Variants in AJUBA observed in about 807,000 individuals in gnomAD.
AJUBA encodes the protein LIM domain-containing protein ajuba.
AJUBA carries 20 observed loss-of-function variants against 53.3 expected under a neutral mutation model. The observed-to-expected ratio is 0.38, with a 90% CI of 0.26 to 0.55. AJUBA has a LOEUF of 0.55. AJUBA is among the 20% of genes least tolerant of loss of function. AJUBA has a pLI of 0.80. For synonymous variants in AJUBA, 296 were observed against 306.2 expected (o/e 0.97, Z 0.35); for missense variants, 580 against 730.5 (o/e 0.79, Z 2.38).
chr14:22,982,313 C>T lies in AJUBA; in HGVS notation c.-47G>A. On this transcript the variant is annotated 5_prime_UTR_variant, in exon 1 of 8. Transcript: ENST00000262713. ...CGCCCCCTCCCCGCCTGGCACCCTG[C>T]GGCGTCTCGGCGGCCGGTTCTCTTT... 1 of 1,595,818 alleles carries T rather than the reference C, an allele frequency of 6.3e-7. No homozygotes were observed. The highest frequency in any genetic ancestry group is 8.5e-7 in the Non-Finnish European group (1 of 1,174,044).
chr14:22,973,192 C>CTG lies in AJUBA; in HGVS notation c.*249_*250dup, dbSNP rs1166604277. 3.8e-6 allele frequency: 2 copies of CTG among 524,050 alleles called. No homozygotes were observed. The highest frequency in any genetic ancestry group is 6.8e-6 in the Non-Finnish European group (2 of 293,152). The allele number at this position is 524,050 out of a possible 1,614,324, so 32.5% of individuals were successfully genotyped here. The stretch of plus-strand genomic sequence containing the variant: ...ATGTTCAGAAAGTCCTGGAACCCTC[C>CTG]TGTGTGTGCCTAAGCTCAGACTGCA... On this transcript the variant is annotated 3_prime_UTR_variant, in exon 8 of 8. Coordinates refer to ENST00000262713, the MANE Select transcript of AJUBA (RefSeq NM_032876.6).
chr14:22,981,838 C>A lies in AJUBA; in HGVS notation c.429G>T (p.Leu143=). 2 of 1,533,898 alleles carry A rather than the reference C, an allele frequency of 1.3e-6. No individual in the cohort carries two copies. The highest frequency in any genetic ancestry group is 1.2e-5 in the South Asian group (1 of 83,848). Residue 143 remains leucine (L), a synonymous_variant, in exon 1 of 8, where the codon CTG becomes CTT. Transcript: ENST00000262713. ...SKPSSPRGSL[L]LDGAGAGGAG... The stretch of plus-strand genomic sequence containing the variant: ...CTCCGCCAGCCCCCGCCCCGTCCAG[C>A]AGCAGGCTGCCCCGGGGGCTGGACG...
At position 22,973,299 on chromosome 14, in the gene AJUBA, T is replaced by C. The variant is rs1291431099; in HGVS notation, c.*144A>G. 1 of 1,209,780 alleles carries C rather than the reference T, an allele frequency of 8.3e-7. No homozygotes were observed. Among genetic ancestry groups the C allele is most frequent in the African/African-American group, 1.5e-5 (1 of 65,050 alleles). The allele number at this position is 1,209,780 out of a possible 1,614,324, so 74.9% of individuals were successfully genotyped here. A position where few individuals can be genotyped will look rare whatever the true frequency, so the allele number is the denominator to read the frequency against. On this transcript the variant is annotated 3_prime_UTR_variant, in exon 8 of 8. Transcript: ENST00000262713. ...CAATCCATTTGGAATATCATGATCT[T>C]TGGGTCTCCGGCCCTTGGGGTCCTC... is the stretch of plus-strand genomic sequence containing the variant.
chr14:22,976,566 G>C, intron 3 of AJUBA, 48 bp from the exon 4 acceptor site: 2 of 1,612,786 alleles, frequency 1.2e-6, no homozygotes, highest in African/African-American at 2.7e-5. Flanking sequence ...AACTGAGAAT[G>C]ATGGGTGGTA....
Position 22,981,527 on chromosome 14 carries a change from C to T in AJUBA, c.740G>A (p.Gly247Glu), listed in dbSNP as rs767843194. Residue 247 changes from glycine to glutamate, a missense_variant, in exon 1 of 8, where the codon GGA (glycine) becomes GAA (glutamate). By Grantham distance (98) the Gly-to-Glu change is moderately conservative (BLOSUM62 -2). This residue lies in a region of AJUBA where 430 missense variants were observed against 471.5 expected (regional missense o/e 0.91). Transcript: ENST00000262713. ...CCGTCTCTCCAAGGGCCCCGCCGCT[C>T]CCACTCCGGCCCCGGCTAGAGCTCC... The part of the protein sequence containing the change: ...SPGALAGAGV[G>E]AAGPLERRGA... 6.3e-7 allele frequency: 1 copy of T among 1,592,616 alleles called. No homozygotes were observed.
intron 2 of AJUBA, chr14:22,977,014 A>T (rs1049982541): frequency 3.9e-6 from 5 of 1,268,650 alleles, no homozygotes; most frequent in African/African-American, 1.5e-5. Context: ...ATAGGAAGCC[A>T]CCTGGGAGAG....
chr14:22,982,470 G>C lies in AJUBA; in HGVS notation c.-204C>G. The C allele has an allele frequency of 2.1e-6, 3 of 1,424,480 alleles. No homozygotes were observed. In the South Asian group the frequency reaches 4.5e-5, roughly 21 times the overall value. 88.2% of individuals were successfully genotyped at this position (1,424,480 alleles called of 1,614,324 possible). A position where few individuals can be genotyped will look rare whatever the true frequency, so the allele number is the denominator to read the frequency against. The stretch of plus-strand genomic sequence containing the variant: ...GGGGCTGCGTCCCCCCGCGCATCTG[G>C]GGCTGAGCGGGGCTAGCAGGGTCTC... On this transcript the variant is annotated 5_prime_UTR_variant, in exon 1 of 8. Coordinates refer to ENST00000262713, the MANE Select transcript of AJUBA (RefSeq NM_032876.6).
rs1013162107 is a variant in AJUBA at position 22,979,378 on chromosome 14, C to A, written c.1007-933G>T. Among the ~76,000 whole-genome samples, 5 of 152,220 alleles carry A rather than the reference C, an allele frequency of 3.3e-5. No individual in the cohort carries two copies. The highest frequency in any genetic ancestry group is 7.3e-5 in the Non-Finnish European group (5 of 68,048). On this transcript the variant is annotated intron_variant, in intron 1 of 7. Coordinates refer to ENST00000262713, the MANE Select transcript of AJUBA (RefSeq NM_032876.6). This position sits in a 1 kb window ranked among gnomAD's most constrained non-coding sequence, Gnocchi z 4.0. ...ACACTCCCTGCCTGTTGGGGCCCAT[C>A]CCAGTCTTTGCCCAGGGGCTTGGGA...
In AJUBA at chr14:22,978,447, T is replaced by C; in HGVS notation, c.1007-2A>G. Reference sequence around the variant, plus strand: ...CTTTGTTGCACTTGATACAGGTGCCTGAGAAGAGAAAAGTGTCACACTCTA... The same window carrying C: ...CTTTGTTGCACTTGATACAGGTGCCCGAGAAGAGAAAAGTGTCACACTCTA... On this transcript the variant is annotated splice_acceptor_variant, in intron 1 of 7. Coordinates refer to ENST00000262713, the MANE Select transcript of AJUBA (RefSeq NM_032876.6). LOFTEE classifies it high-confidence loss of function. 1.9e-6 allele frequency: 3 copies of C among 1,609,302 alleles called. No homozygotes were observed. The highest frequency in any genetic ancestry group is 1.7e-6 in the Non-Finnish European group (2 of 1,176,016).
Position 22,976,332 on chromosome 14 carries a change from G to A in AJUBA, c.1239+124C>T, listed in dbSNP as rs115048774. Reference sequence around the variant, plus strand: ...GTAAACAGTTGCTCTGGGGAGGAATGGGATGAAAGTGATTCATCTGGTGAC... The same window carrying A: ...GTAAACAGTTGCTCTGGGGAGGAATAGGATGAAAGTGATTCATCTGGTGAC... On this transcript the variant is annotated intron_variant, in intron 4 of 7. Coordinates refer to ENST00000262713, the MANE Select transcript of AJUBA (RefSeq NM_032876.6). 2,135 of 1,002,576 alleles carry A rather than the reference G, an allele frequency of 2.1e-3. 34 individuals are homozygous for A. The African/African-American group carries it at 0.03, about 14-fold the overall frequency. The allele number at this position is 1,002,576 out of a possible 1,614,324, so 62.1% of individuals were successfully genotyped here. A position where few individuals can be genotyped will look rare whatever the true frequency, so the allele number is the denominator to read the frequency against.
chr14:22,978,111 G>A (rs1411693777), intron 2 of AJUBA, among the ~76,000 whole-genome samples: 1 of 152,002 alleles, frequency 6.6e-6, no homozygotes, highest in Non-Finnish European at 1.5e-5. Context: ...GGTGAGGAAG[G>A]AAGGAGGGAC....
In AJUBA at chr14:22,971,794, C is replaced by CA. The variant is rs2044985487; in HGVS notation, c.*1648dup. ...TGTAAAGGAATATTGGATTAAGAAA[C>CA]AAAAAAATGATACACAAAATGTCTG... is the stretch of plus-strand genomic sequence containing the variant. On this transcript the variant is annotated 3_prime_UTR_variant, in exon 8 of 8. Transcript: ENST00000262713. 2 of 151,992 alleles carry CA rather than the reference C, an allele frequency of 1.3e-5. No individual in the cohort carries two copies. Among genetic ancestry groups the CA allele is most frequent in the African/African-American group, 2.4e-5 (1 of 41,478 alleles). The allele number at this position is 151,992 out of a possible 1,614,324, so 9.4% of individuals were successfully genotyped here.
chr14:22,981,420 A>G lies in AJUBA; in HGVS notation c.847T>C (p.Leu283=). 6.2e-7 allele frequency: 1 copy of G among 1,612,382 alleles called. No individual in the cohort carries two copies. Among genetic ancestry groups the G allele is most frequent in the Non-Finnish European group, 8.5e-7 (1 of 1,179,710 alleles). ...CCGGTGCCCACCGTCAGGCGAAGCA[A>G]AGCTGTTAGCTCGTCCTGGTACCGG... is the stretch of plus-strand genomic sequence containing the variant. ...GARYQDELTA[L]LRLTVGTGGR... Residue 283 remains leucine, a synonymous_variant, in exon 1 of 8, where the codon TTG becomes CTG. Transcript: ENST00000262713.
chr14:22,979,971 C>G lies in AJUBA; in HGVS notation c.1006+1290G>C, dbSNP rs1396625469. Among the ~76,000 whole-genome samples the G allele has an allele frequency of 6.6e-6, 1 of 151,192 alleles. No individual in the cohort carries two copies. The highest frequency in any genetic ancestry group is 1.9e-4 in the East Asian group (1 of 5,134). Reference sequence around the variant, plus strand: ...CATCATCTCCTCTGGGCTTTCCTCTCGGTGGATTTGGAGGTGGGGAAAAGA... The same window carrying G: ...CATCATCTCCTCTGGGCTTTCCTCTGGGTGGATTTGGAGGTGGGGAAAAGA... On this transcript the variant is annotated intron_variant, in intron 1 of 7. Transcript: ENST00000262713. This position sits in a 1 kb window ranked among gnomAD's most constrained non-coding sequence, Gnocchi z 4.0.
Position 22,971,977 on chromosome 14 carries a change from A to C in AJUBA, c.*1466T>G, listed in dbSNP as rs1416799504. The C allele has an allele frequency of 6.5e-6, 1 of 152,686 alleles. No homozygotes were observed. Among genetic ancestry groups the C allele is most frequent in the Non-Finnish European group, 1.5e-5 (1 of 68,046 alleles). The allele number at this position is 152,686 out of a possible 1,614,324, so 9.5% of individuals were successfully genotyped here. A position where few individuals can be genotyped will look rare whatever the true frequency, so the allele number is the denominator to read the frequency against. ...TTTATGTTGCTGATAATAGCTCAGA[A>C]GTACTCTTGGATGAATAGATATAAA... On this transcript the variant is annotated 3_prime_UTR_variant, in exon 8 of 8. Transcript: ENST00000262713.
rs2139358913 is a variant in AJUBA at position 22,981,790 on chromosome 14, G to A, written c.477C>T (p.Ser159=). 6.5e-7 allele frequency: 1 copy of A among 1,534,128 alleles called. No homozygotes were observed. The highest frequency in any genetic ancestry group is 1.2e-5 in the South Asian group (1 of 83,938). ...AGGAGGSRPC[S]NRTSGISMGY... ...CCATGCTGATGCCGCTGGTGCGATTGCTGCAGGGCCGGCTACCTCCAGCTC... is the reference window on the plus strand; with the variant it reads ...CCATGCTGATGCCGCTGGTGCGATTACTGCAGGGCCGGCTACCTCCAGCTC... The change falls in exon 1 of 8, where the codon AGC becomes AGT. Residue 159 remains serine, a synonymous_variant. Transcript: ENST00000262713.
chr14:22,976,704 A>G lies in AJUBA; in HGVS notation c.1117T>C (p.Leu373=). 6.2e-7 allele frequency: 1 copy of G among 1,614,012 alleles called. No homozygotes were observed. The change falls in exon 3 of 8, where the codon TTG becomes CTG. Residue 373 remains leucine, a synonymous_variant. Coordinates refer to ENST00000262713, the MANE Select transcript of AJUBA (RefSeq NM_032876.6). ...CFVCCSCGRT[L]RCKAFYSVNG... ...ACACTGTAGAAAGCCTTGCAACGCA[A>G]AGTTCGCCCTAGAAACAATAGAGAA...
chr14:22,976,972 T>C (rs747506674), intron 2 of AJUBA: 2 of 1,350,692 alleles, frequency 1.5e-6, no homozygotes, highest in East Asian at 2.8e-5. Flanking sequence ...CTAGGGCCCC[T>C]CCCCTAAACA....
chr14:22,982,007 C>A lies in AJUBA; in HGVS notation c.260G>T (p.Gly87Val), dbSNP rs774210730. 214 of 1,586,514 alleles carry A rather than the reference C, an allele frequency of 1.3e-4. 5 individuals carry two copies. The South Asian group carries it at 2.3e-3, about 17-fold the overall frequency. The change falls in exon 1 of 8, where the codon GGC becomes GTC. Residue 87 changes from glycine to valine, a missense_variant. This residue lies in a region of AJUBA where 430 missense variants were observed against 471.5 expected (regional missense o/e 0.91). Coordinates refer to ENST00000262713, the MANE Select transcript of AJUBA (RefSeq NM_032876.6). ...RGSFEAPRYE[G>V]SFPAGPPPTR... ...GGGCGGCGGCCCCGCGGGAAAAGAG[C>A]CTTCGTAGCGCGGCGCCTCAAAGGA... is the stretch of plus-strand genomic sequence containing the variant.
Sources: gnomAD v4.1 joint callset for allele counts (sites outside exome capture counted in the v4.1 genomes callset) on GRCh38, gnomAD v4.1.1 for gene constraint, gnomAD v4.1.1 regional missense constraint, Gnocchi (gnomAD v3.1) non-coding constraint, MANE v1.5 for transcripts, NCBI Gene and HGNC (gene_info 2026-07-23, HGNC 2026-07-21) for gene names.